The following FAAH2 variants were observed in gnomAD, a reference collection of about 807,000 sequenced individuals.
FAAH2 encodes fatty acid amide hydrolase 2, also known as fatty-acid amide hydrolase 2.
A neutral mutation model predicts 36.9 loss-of-function variants in FAAH2; 60 were observed. The observed-to-expected ratio is 1.63, with a 90% CI of 1.32 to 2.02. FAAH2 has a LOEUF of 2.02. Among genes scored for constraint, FAAH2 ranks in the 30% most tolerant of loss-of-function variants. The pLI is 0.00. For missense variants in FAAH2, 689 were observed against 397.5 expected, an observed-to-expected ratio of 1.73 and a Z score of -6.23; for synonymous variants, 214 against 143.8, an observed-to-expected ratio of 1.49 and a Z score of -3.49.
intron 3 of FAAH2, among the ~76,000 whole-genome samples, chrX:57,330,243 G>T: frequency 8.9e-6 from 1 of 111,815 alleles, no homozygotes; most frequent in Admixed American, 9.5e-5. Context: ...TCTCAGCAAG[G>T]AACATCCCTG....
chrX:57,245,746 T>C, the FAAH2 span, among the ~76,000 whole-genome samples: 1 of 112,485 alleles, frequency 8.9e-6, no homozygotes, highest in Non-Finnish European at 1.9e-5. Flanking sequence ...GGGAAAATTA[T>C]AGCACTAAAT....
At chrX:57,323,314 A>G (rs2053091701) in intron 3 of FAAH2, among the ~76,000 whole-genome samples, 1 of 111,670 alleles carries the variant, frequency 9.0e-6, no homozygotes, top group South Asian at 3.7e-4. Context: ...GTGTCTTTAT[A>G]GCAGCATGAT....
intron 8 of FAAH2, among the ~76,000 whole-genome samples, chrX:57,444,580 G>T (rs1413267979): frequency 9.0e-6 from 1 of 111,331 alleles, no homozygotes; most frequent in African/African-American, 3.3e-5. Flanking sequence ...GCCCCACCCT[G>T]CTCTGTGGGC....
chrX:57,416,051 C>T (rs962819368), intron 7 of FAAH2, among the ~76,000 whole-genome samples: 3 of 110,774 alleles, frequency 2.7e-5, no homozygotes, highest in Non-Finnish European at 5.7e-5. Context: ...ATTGCAACCC[C>T]TGCTTGTTTT....
chrX:57,367,355 C>T (rs1251866357), intron 5 of FAAH2, among the ~76,000 whole-genome samples: 1 of 112,182 alleles, frequency 8.9e-6, no homozygotes, highest in African/African-American at 3.2e-5. Context: ...AAAGTGGCTG[C>T]ACCTTAGCAT....
chrX:57,414,720 G>C (rs764295587), intron 7 of FAAH2, among the ~76,000 whole-genome samples: 1 of 111,375 alleles, frequency 9.0e-6, no homozygotes, highest in South Asian at 3.8e-4. Context: ...TCAGGATGAT[G>C]CTGGACTCAT....
chrX:57,200,642 G>T, the FAAH2 span, among the ~76,000 whole-genome samples: 1 of 111,493 alleles, frequency 9.0e-6, no homozygotes, highest in African/African-American at 3.3e-5. Flanking sequence ...CTCCCAAAGT[G>T]CTGGGATTAA....
In FAAH2 at chrX:57,453,635, G is replaced by A. The variant is rs959110707; in HGVS notation, c.1423+4917G>A. ...AGGTCAGGCAACTGCACCCAAACCC[G>A]CCACTCATAGCCAGGAAATCCATGT... On this transcript the variant is annotated intron_variant, in intron 10 of 10. Coordinates refer to ENST00000374900, the MANE Select transcript of FAAH2 (RefSeq NM_174912.4). Among the ~76,000 whole-genome samples the A allele has an allele frequency of 3.7e-4, 41 of 109,987 alleles. 1 individual carries two copies. The highest frequency in any genetic ancestry group is 6.8e-4 in the Non-Finnish European group (36 of 52,631).
chrX:57,252,884 G>A, the FAAH2 span, among the ~76,000 whole-genome samples: 1 of 112,559 alleles, frequency 8.9e-6, no homozygotes, highest in Non-Finnish European at 1.9e-5. Flanking sequence ...CTCCTTGCCA[G>A]CAAGGGCACA....
At chrX:57,454,486 G>T (rs2056835304) in intron 10 of FAAH2, among the ~76,000 whole-genome samples, 1 of 112,168 alleles carries the variant, frequency 8.9e-6, no homozygotes, top group South Asian at 3.7e-4. Flanking sequence ...TGTGGACATA[G>T]AATTCAGAAG....
the FAAH2 span, among the ~76,000 whole-genome samples, chrX:57,164,178 C>A: frequency 1.8e-5 from 2 of 111,779 alleles, no homozygotes; most frequent in Non-Finnish European, 3.8e-5. Flanking sequence ...AAAAATAGTC[C>A]CTCAGTGATC....
intron 3 of FAAH2, among the ~76,000 whole-genome samples, chrX:57,319,245 A>G (rs902123199): frequency 1.3e-4 from 14 of 111,837 alleles, no homozygotes; most frequent in Admixed American, 1.1e-3. Context: ...CTTTTTGTAG[A>G]TGACATGATT....
the FAAH2 span, among the ~76,000 whole-genome samples, chrX:57,168,682 C>A: frequency 7.2e-5 from 8 of 111,785 alleles, no homozygotes; most frequent in Non-Finnish European, 1.5e-4. Flanking sequence ...ACAACTTCAT[C>A]AACTGCAGTA....
At chrX:57,163,628 G>T in the FAAH2 span, among the ~76,000 whole-genome samples, 1 of 111,986 alleles carries the variant, frequency 8.9e-6, no homozygotes, top group East Asian at 2.8e-4. Context: ...GATTTTCCAG[G>T]TGCTGTCCAT....
intron 3 of FAAH2, among the ~76,000 whole-genome samples, chrX:57,324,010 T>G (rs1168184286): frequency 5.4e-5 from 6 of 112,000 alleles, no homozygotes; most frequent in Non-Finnish European, 1.1e-4. Flanking sequence ...CTTGAATTAA[T>G]TTTTGTATAA....
At chrX:57,227,548 G>A in the FAAH2 span, among the ~76,000 whole-genome samples, 1 of 111,365 alleles carries the variant, frequency 9.0e-6, no homozygotes, top group African/African-American at 3.3e-5. Flanking sequence ...TTCCAGTGGA[G>A]GTGACACAAG....
At chrX:57,343,475 T>C (rs1569276337) in intron 5 of FAAH2, among the ~76,000 whole-genome samples, 1 of 111,864 alleles carries the variant, frequency 8.9e-6, no homozygotes, top group Non-Finnish European at 1.9e-5. Flanking sequence ...TATTTACTTT[T>C]TGCTTGTTGA....
intron 9 of FAAH2, among the ~76,000 whole-genome samples, chrX:57,448,018 C>G (rs2056714468): frequency 8.9e-6 from 1 of 112,112 alleles, no homozygotes; most frequent in South Asian, 3.7e-4. Context: ...TTCTGAAGGA[C>G]TTGCTTTGAT....
At chrX:57,280,009 T>C in the FAAH2 span, among the ~76,000 whole-genome samples, 2 of 111,718 alleles carry the variant, frequency 1.8e-5, no homozygotes, top group Non-Finnish European at 3.8e-5. Flanking sequence ...GGCAAGAGAA[T>C]AAAATGACAG....
Sources: allele counts gnomAD v4.1 joint callset (sites outside exome capture counted in the v4.1 genomes callset), GRCh38; gene constraint gnomAD v4.1.1; transcripts MANE v1.5; gene names NCBI Gene and HGNC (gene_info 2026-07-23, HGNC 2026-07-21).